Variants in FGF12 observed in about 807,000 individuals in gnomAD.
The protein encoded by FGF12 is fibroblast growth factor 12B.
Under a neutral mutation model 23.6 loss-of-function variants are expected in FGF12, and 14 were observed. The ratio of observed to expected loss-of-function variants is 0.59; its 90% CI spans 0.39 to 0.93. FGF12 has a LOEUF of 0.93. Ranked by LOEUF, FGF12 falls within the 40% of genes least tolerant of loss-of-function variation. The pLI is 0.00. For synonymous variants in FGF12, 62 were observed against 77.3 expected (o/e 0.80, Z 1.04); for missense variants, 175 against 217.8 (o/e 0.80, Z 1.24).
At chr3:192,279,371 CA>C (rs1192320936) in intron 4 of FGF12, among the ~76,000 whole-genome samples, 1 of 151,898 alleles carries the variant, frequency 6.6e-6, no homozygotes, top group Non-Finnish European at 1.5e-5. Flanking sequence ...TTAAGACAAT[CA>C]ATAGCTTGCT....
At chr3:192,605,160 T>A (rs1385033210) in intron 2 of FGF12, among the ~76,000 whole-genome samples, 1 of 152,014 alleles carries the variant, frequency 6.6e-6, no homozygotes, top group African/African-American at 2.4e-5. Context: ...AGGCGGATCA[T>A]CAGGTCAGGA....
intron 4 of FGF12, among the ~76,000 whole-genome samples, chr3:192,197,946 C>CA (rs11328919): frequency 0.038 from 1,857 of 48,618 alleles, 24 homozygotes; most frequent in Admixed American, 0.045. Context: ...AATTCCTCCT[C>CA]AAAAAAAAAA....
At chr3:192,464,308 C>A (rs61118845) in intron 2 of FGF12, among the ~76,000 whole-genome samples, 1 of 151,300 alleles carries the variant, frequency 6.6e-6, no homozygotes, top group Non-Finnish European at 1.5e-5. Context: ...TCCCCTTGAG[C>A]CTCCAAAGTC....
chr3:192,158,427 C>CTA (rs563113309), intron 5 of FGF12, among the ~76,000 whole-genome samples: 2 of 126,966 alleles, frequency 1.6e-5, no homozygotes, highest in African/African-American at 6.3e-5. Context: ...CTTTCTTTTT[C>CTA]TTTTTTCTTT....
chr3:192,605,251 C>A (rs1427086340), intron 2 of FGF12, among the ~76,000 whole-genome samples: 1 of 152,004 alleles, frequency 6.6e-6, no homozygotes, highest in East Asian at 1.9e-4. Flanking sequence ...GTGGCACACA[C>A]TTCTAGTCCC....
intron 2 of FGF12, among the ~76,000 whole-genome samples, chr3:192,711,974 A>C: frequency 6.6e-6 from 1 of 151,424 alleles, no homozygotes; most frequent in East Asian, 1.9e-4. Flanking sequence ...GTAAATCATA[A>C]TTATTCTCAG....
At position 192,143,284 on chromosome 3, in the gene FGF12, T is replaced by A. The variant is rs1436978609; in HGVS notation, c.*725A>T. On this transcript the variant is annotated 3_prime_UTR_variant, in exon 6 of 6. Coordinates refer to ENST00000445105, the MANE Select transcript of FGF12 (RefSeq NM_004113.6). ...AATAATATCTTTGATAAAAATGTTA[T>A]ACTCTAGGATAATTTGAAATCATTT... 6.6e-6 allele frequency: 1 copy of A among 151,530 alleles called. No individual in the cohort carries two copies. The highest frequency in any genetic ancestry group is 6.6e-5 in the Admixed American group (1 of 15,208). The allele number at this position is 151,530 out of a possible 1,614,324, so 9.4% of individuals were successfully genotyped here. A position where few individuals can be genotyped will look rare whatever the true frequency, so the allele number is the denominator to read the frequency against.
Position 192,460,607 on chromosome 3 carries a change from C to T in FGF12, c.14-100069G>A, listed in dbSNP as rs184156539. Among the ~76,000 whole-genome samples, 5 of 151,936 alleles carry T rather than the reference C, an allele frequency of 3.3e-5. No individual in the cohort carries two copies. The East Asian group carries it at 9.7e-4, about 29-fold the overall frequency. On this transcript the variant is annotated intron_variant, in intron 2 of 5. Coordinates refer to ENST00000445105, the MANE Select transcript of FGF12 (RefSeq NM_004113.6). ...AATCTCCCCTCTGTAGCTCCACACT[C>T]ACCCCTTTACAAAACAAAAACAAAC...
At chr3:192,465,708 C>T (rs1722991787) in intron 2 of FGF12, among the ~76,000 whole-genome samples, 1 of 152,164 alleles carries the variant, frequency 6.6e-6, no homozygotes, top group African/African-American at 2.4e-5. Flanking sequence ...TCGCCCTCCC[C>T]GACCCCCACT....
intron 4 of FGF12, among the ~76,000 whole-genome samples, chr3:192,234,264 T>C (rs1719167640): frequency 6.6e-6 from 1 of 152,158 alleles, no homozygotes; most frequent in Non-Finnish European, 1.5e-5. Flanking sequence ...TAGAGTACTT[T>C]CCCCTCCCTG....
intron 4 of FGF12, among the ~76,000 whole-genome samples, chr3:192,324,018 G>A (rs2108684785): frequency 6.6e-6 from 1 of 152,186 alleles, no homozygotes; most frequent in South Asian, 2.1e-4. Context: ...CCTGAACCCA[G>A]GAGGCAGAGG....
At chr3:192,659,122 A>G (rs1407036622) in intron 2 of FGF12, among the ~76,000 whole-genome samples, 1 of 152,200 alleles carries the variant, frequency 6.6e-6, no homozygotes, top group Non-Finnish European at 1.5e-5. Context: ...CATGAGCTCA[A>G]CAATGGACAT....
At chr3:192,158,670 C>CCCT (rs71177347) in intron 5 of FGF12, among the ~76,000 whole-genome samples, 59 of 74,724 alleles carry the variant, frequency 7.9e-4, no homozygotes, top group African/African-American at 2.3e-3. Flanking sequence ...CCTTCCCTCC[C>CCCT]TCCCTCTCTC....
intron 2 of FGF12, among the ~76,000 whole-genome samples, chr3:192,724,067 AGAAGGAAGGAAGAAAG>A (rs112329912): frequency 0.063 from 9,192 of 146,168 alleles, 497 homozygotes; most frequent in East Asian, 0.17. Context: ...GAAGAGGGAA[AGAAGGAAGGAAGAAAG>A]GAAGGAAGGA....
At chr3:192,489,628 T>A (rs76786706) in intron 2 of FGF12, among the ~76,000 whole-genome samples, 1,688 of 152,150 alleles carry the variant, frequency 0.011, 29 homozygotes, top group African/African-American at 0.039. Context: ...TTTACTCCCC[T>A]GAGGAGAAAG....
chr3:192,493,314 C>T (rs184719094), intron 2 of FGF12, among the ~76,000 whole-genome samples: 77 of 152,254 alleles, frequency 5.1e-4, no homozygotes, highest in Non-Finnish European at 9.9e-4. Context: ...ATTAACTCTG[C>T]ATTAGGAGCA....
At chr3:192,666,064 GAGAA>G (rs1716861941) in intron 2 of FGF12, among the ~76,000 whole-genome samples, 2 of 152,108 alleles carry the variant, frequency 1.3e-5, no homozygotes, top group South Asian at 4.1e-4. Flanking sequence ...AAGTAGAAGA[GAGAA>G]AGATTTTTGG....
chr3:192,370,675 AT>A (rs1013064227), intron 2 of FGF12, among the ~76,000 whole-genome samples: 2 of 152,214 alleles, frequency 1.3e-5, no homozygotes, highest in African/African-American at 4.8e-5. Context: ...TGAGGGTAGT[AT>A]TTTACAAAGT....
chr3:192,435,062 C>G (rs1312250304), intron 2 of FGF12, among the ~76,000 whole-genome samples: 1 of 152,146 alleles, frequency 6.6e-6, no homozygotes, highest in Non-Finnish European at 1.5e-5. Context: ...ACTCCAGCTC[C>G]TATCCCCGTC....
Sources: allele counts gnomAD v4.1 joint callset (sites outside exome capture counted in the v4.1 genomes callset), GRCh38; gene constraint gnomAD v4.1.1; transcripts MANE v1.5; gene names NCBI Gene and HGNC (gene_info 2026-07-23, HGNC 2026-07-21).